Variants in SGK3 observed in about 807,000 individuals in gnomAD.
The protein encoded by SGK3 is serine/threonine-protein kinase Sgk3.
In SGK3, 47 loss-of-function variants were observed where a neutral mutation model predicts 68.5. The observed-to-expected ratio is 0.69, with a 90% CI of 0.54 to 0.87. The LOEUF (loss-of-function observed/expected upper bound fraction) is 0.87. Among genes scored for constraint, SGK3 ranks in the 40% least tolerant of loss-of-function variants. The pLI is 0.00. For missense variants in SGK3, 479 were observed against 575.5 expected, an observed-to-expected ratio of 0.83 and a Z score of 1.72; for synonymous variants, 181 against 189.1, an observed-to-expected ratio of 0.96 and a Z score of 0.35.
intron 1 of SGK3, among the ~76,000 whole-genome samples, chr8:66,740,568 G>C (rs16933043): frequency 0.033 from 5,009 of 152,234 alleles, 101 homozygotes; most frequent in Admixed American, 0.047. Context: ...CTCAGCCTTT[G>C]TGCTTGATTG....
At chr8:66,811,459 T>C (rs934094166) in intron 4 of SGK3, among the ~76,000 whole-genome samples, 2 of 152,212 alleles carry the variant, frequency 1.3e-5, no homozygotes, top group South Asian at 2.1e-4. Context: ...TTGGCACTTA[T>C]CCTATACATT....
At chr8:66,770,071 A>G (rs1209545404) in intron 1 of SGK3, among the ~76,000 whole-genome samples, 1 of 152,042 alleles carries the variant, frequency 6.6e-6, no homozygotes, top group Admixed American at 6.6e-5. Context: ...CTCCTGCCTC[A>G]GCCTCCCGAG....
At chr8:66,734,249 T>TTTTTTTTTTG (rs1805252035) in intron 1 of SGK3, among the ~76,000 whole-genome samples, 1 of 138,592 alleles carries the variant, frequency 7.2e-6, no homozygotes, top group Non-Finnish European at 1.5e-5. Context: ...TTTTTTTTTT[T>TTTTTTTTTTG]ACCATTTTGA....
intron 1 of SGK3, among the ~76,000 whole-genome samples, chr8:66,773,890 A>C (rs1426028036): frequency 6.6e-6 from 1 of 152,242 alleles, no homozygotes; most frequent in Non-Finnish European, 1.5e-5. Context: ...CAAAAAAAGA[A>C]AAGGGAAACT....
intron 4 of SGK3, among the ~76,000 whole-genome samples, chr8:66,809,097 A>C (rs984924443): frequency 6.6e-6 from 1 of 151,888 alleles, no homozygotes; most frequent in East Asian, 1.9e-4. Flanking sequence ...TTGAACTCCA[A>C]CCTCAGGTGA....
At chr8:66,846,868 A>G (rs1344505934) in intron 14 of SGK3, among the ~76,000 whole-genome samples, 1 of 152,124 alleles carries the variant, frequency 6.6e-6, no homozygotes, top group East Asian at 1.9e-4. Flanking sequence ...TCTATTTCCA[A>G]TGATTCTGTC....
chr8:66,746,559 A>AT (rs1003317870), intron 1 of SGK3, among the ~76,000 whole-genome samples: 38 of 146,846 alleles, frequency 2.6e-4, no homozygotes, highest in East Asian at 1.2e-3. Context: ...CTGTCTCTAC[A>AT]TTTTTTTTTT....
At chr8:66,767,367 A>G (rs1806349457) in intron 1 of SGK3, 2 of 1,126,490 alleles carry the variant, frequency 1.8e-6, no homozygotes, top group Non-Finnish European at 2.7e-6. Flanking sequence ...ATTAATAGAA[A>G]TATACACAAA....
chr8:66,761,045 A>T (rs1320640840), intron 1 of SGK3, among the ~76,000 whole-genome samples: 1 of 152,066 alleles, frequency 6.6e-6, no homozygotes, highest in Non-Finnish European at 1.5e-5. Flanking sequence ...AAATGTACTC[A>T]AAGGTCAAGA....
intron 1 of SGK3, among the ~76,000 whole-genome samples, chr8:66,758,458 G>C (rs1284318567): frequency 4.6e-5 from 7 of 151,906 alleles, no homozygotes; most frequent in African/African-American, 1.7e-4. Flanking sequence ...TTAATATCTG[G>C]CTTAGTAAGT....
At chr8:66,840,335 A>G (rs1809749117) in intron 12 of SGK3, 88 bp downstream of exon 12, 1 of 1,238,646 alleles carries the variant, frequency 8.1e-7, no homozygotes, top group African/African-American at 1.5e-5. Context: ...GAGATTCTGT[A>G]CTGCGTTATT....
rs941905946 is a variant in SGK3, at chr8:66,768,042, A to G, written c.-121-25574A>G. The G allele has an allele frequency of 1.1e-5, 7 of 638,310 alleles. No individual in the cohort carries two copies. The South Asian group carries it at 1.2e-4, about 11-fold the overall frequency. The allele number at this position is 638,310 out of a possible 1,614,324, so 39.5% of individuals were successfully genotyped here. On this transcript the variant is annotated intron_variant, in intron 1 of 16. Transcript: ENST00000521198. ...GCCGCTCTCAACCAGATTTAAGTAT[A>G]TATCTTTAATTTATTACAGTCTATC...
chr8:66,820,042 TC>T (rs1346270255), intron 5 of SGK3, among the ~76,000 whole-genome samples: 1 of 152,106 alleles, frequency 6.6e-6, no homozygotes, highest in African/African-American at 2.4e-5. Context: ...GGTCTTGAAC[TC>T]CTTACCTCAT....
intron 1 of SGK3, chr8:66,768,143 G>A (rs894181992): frequency 7.9e-6 from 3 of 377,384 alleles, no homozygotes; most frequent in African/African-American, 4.1e-5. Flanking sequence ...ATACTTCCAT[G>A]TCTCTAATGC....
At chr8:66,724,143 T>C (rs1184863356) in intron 1 of SGK3, among the ~76,000 whole-genome samples, 1 of 152,232 alleles carries the variant, frequency 6.6e-6, no homozygotes, top group Non-Finnish European at 1.5e-5. Context: ...CAGCTATTTT[T>C]AAATATTTTT....
At chr8:66,849,593 A>ATTTTTT (rs755457958) in intron 15 of SGK3, among the ~76,000 whole-genome samples, 1 of 122,826 alleles carries the variant, frequency 8.1e-6, no homozygotes. Flanking sequence ...TTGGGGGAAT[A>ATTTTTT]TTTTTTTTTT....
At chr8:66,767,665 A>G (rs138533416) in intron 1 of SGK3, 82 of 1,397,462 alleles carry the variant, frequency 5.9e-5, no homozygotes, top group Non-Finnish European at 8.0e-5. Context: ...TAATTTTTCT[A>G]TTTCTGGATA....
At chr8:66,757,607 A>T (rs115040048) in intron 1 of SGK3, among the ~76,000 whole-genome samples, 4,129 of 133,930 alleles carry the variant, frequency 0.031, 160 homozygotes, top group African/African-American at 0.12. Flanking sequence ...GATAAATTTT[A>T]AAAAAAAAAT....
At chr8:66,743,629 C>G (rs1805544475) in intron 1 of SGK3, among the ~76,000 whole-genome samples, 1 of 152,256 alleles carries the variant, frequency 6.6e-6, no homozygotes, top group Non-Finnish European at 1.5e-5. Context: ...TCAAATGATT[C>G]TCCTGCCTCA....
Sources: allele counts gnomAD v4.1 joint callset (sites outside exome capture counted in the v4.1 genomes callset), GRCh38; gene constraint gnomAD v4.1.1; transcripts MANE v1.5; gene names NCBI Gene and HGNC (gene_info 2026-07-23, HGNC 2026-07-21).